The following MAP2 variants were observed in gnomAD, a reference collection of about 807,000 sequenced individuals.
MAP2 encodes the protein microtubule-associated protein 2.
In MAP2, 14 loss-of-function variants were observed where a neutral mutation model predicts 137.6. The ratio of observed to expected loss-of-function variants is 0.10; its 90% CI spans 0.07 to 0.16. The LOEUF (loss-of-function observed/expected upper bound fraction) is 0.16, where lower values mean the gene tolerates loss of function less well. Among genes scored for constraint, MAP2 ranks in the 10% least tolerant of loss-of-function variants. MAP2 has a pLI of 1.00. For synonymous variants in MAP2, 786 were observed against 782.3 expected, an observed-to-expected ratio of 1.00 and a Z score of -0.08; for missense variants, 2,088 against 2,191.5, an observed-to-expected ratio of 0.95 and a Z score of 0.94.
At chr2:209,648,579 T>C (rs1274825920) in intron 4 of MAP2, among the ~76,000 whole-genome samples, 1 of 106,026 alleles carries the variant, frequency 9.4e-6, no homozygotes, top group Non-Finnish European at 1.8e-5. Flanking sequence ...GGAAGAGAAA[T>C]AAGGCGGCCA....
intron 13 of MAP2, among the ~76,000 whole-genome samples, chr2:209,723,900 G>A (rs958341194): frequency 6.6e-5 from 10 of 152,296 alleles, no homozygotes; most frequent in Middle Eastern, 3.4e-3. Context: ...TTCCTGCTTT[G>A]ATTTGGGAAA....
At chr2:209,563,684 C>G (rs553944235) in intron 2 of MAP2, among the ~76,000 whole-genome samples, 12 of 152,322 alleles carry the variant, frequency 7.9e-5, no homozygotes, top group African/African-American at 2.2e-4. Flanking sequence ...ATTAACATAG[C>G]CCCTTGTGGG....
intron 2 of MAP2, among the ~76,000 whole-genome samples, chr2:209,538,510 G>A (rs950279936): frequency 6.7e-6 from 1 of 149,694 alleles, no homozygotes; most frequent in African/African-American, 2.5e-5. Flanking sequence ...AAATCAGCAG[G>A]TCAGAGCAAA....
intron 1 of MAP2, among the ~76,000 whole-genome samples, chr2:209,499,158 C>A (rs55665917): frequency 0.036 from 5,467 of 152,254 alleles, 146 homozygotes; most frequent in Non-Finnish European, 0.056. Context: ...GCCAGGCCTC[C>A]TCTTGAATGT....
chr2:209,435,968 T>A (rs1695933814), intron 1 of MAP2, among the ~76,000 whole-genome samples: 1 of 135,188 alleles, frequency 7.4e-6, no homozygotes, highest in Non-Finnish European at 1.6e-5. Flanking sequence ...GTATATATTA[T>A]ATATAATATA....
intron 2 of MAP2, among the ~76,000 whole-genome samples, chr2:209,537,227 G>A (rs1332615325): frequency 6.6e-6 from 1 of 151,792 alleles, no homozygotes; most frequent in Non-Finnish European, 1.5e-5. Context: ...ATTATTTTTT[G>A]TATCTGTTAT....
chr2:209,529,826 T>A (rs57383822), intron 2 of MAP2, among the ~76,000 whole-genome samples: 24,616 of 151,818 alleles, frequency 0.16, 2,807 homozygotes, highest in African/African-American at 0.32. Context: ...GACCAATTAC[T>A]CACGTCTTGA....
chr2:209,491,153 T>G (rs1185636706), intron 1 of MAP2, among the ~76,000 whole-genome samples: 1 of 152,066 alleles, frequency 6.6e-6, no homozygotes, highest in Non-Finnish European at 1.5e-5. Flanking sequence ...CACTCAAAAC[T>G]GCATAACTAC....
chr2:209,490,191 AAAG>A (rs916279667), intron 1 of MAP2, among the ~76,000 whole-genome samples: 24 of 152,334 alleles, frequency 1.6e-4, no homozygotes, highest in African/African-American at 5.5e-4. Context: ...CTTCATAAGC[AAAG>A]AAGAAATAAA....
At chr2:209,573,298 G>GGTTTTTTTTTTT (rs770132978) in intron 2 of MAP2, among the ~76,000 whole-genome samples, 2 of 120,066 alleles carry the variant, frequency 1.7e-5, no homozygotes, top group African/African-American at 6.6e-5. Flanking sequence ...TTCTTTTTCT[G>GGTTTTTTTTTTT]TTTTTTTTTT....
intron 3 of MAP2, among the ~76,000 whole-genome samples, chr2:209,616,603 G>T (rs1349006693): frequency 6.6e-6 from 1 of 151,984 alleles, no homozygotes; most frequent in Non-Finnish European, 1.5e-5. Flanking sequence ...TCCATTTTTT[G>T]CAATACGTCT....
At chr2:209,690,772 G>A in intron 7 of MAP2, 6 of 1,289,748 alleles carry the variant, frequency 4.7e-6, no homozygotes, top group Non-Finnish European at 6.1e-6. Context: ...CCCCAGCAGG[G>A]GCCCCACATG....
chr2:209,713,549 A>G (rs1034139992), intron 13 of MAP2, among the ~76,000 whole-genome samples: 1 of 152,160 alleles, frequency 6.6e-6, no homozygotes, highest in Admixed American at 6.5e-5. Flanking sequence ...AATTAGCTTG[A>G]TTGATTTAAC....
At chr2:209,428,263 A>G (rs1693117986) in intron 1 of MAP2, among the ~76,000 whole-genome samples, 2 of 152,204 alleles carry the variant, frequency 1.3e-5, no homozygotes, top group African/African-American at 4.8e-5. Context: ...GGAAAGTTAG[A>G]CAAAATAAAG....
At chr2:209,577,452 A>G (rs937978697) in intron 2 of MAP2, among the ~76,000 whole-genome samples, 20 of 152,206 alleles carry the variant, frequency 1.3e-4, no homozygotes, top group Admixed American at 1.2e-3. Flanking sequence ...TGAATCATAT[A>G]AACTGAATAT....
chr2:209,520,553 C>T (rs77097742), intron 2 of MAP2, among the ~76,000 whole-genome samples: 1,650 of 152,052 alleles, frequency 0.011, 32 homozygotes, highest in African/African-American at 0.038. Flanking sequence ...ATCTTTCCAG[C>T]AGAAATATTA....
intron 13 of MAP2, among the ~76,000 whole-genome samples, chr2:209,718,694 T>A (rs927691346): frequency 2.0e-5 from 3 of 152,212 alleles, no homozygotes; most frequent in African/African-American, 7.2e-5. Flanking sequence ...CTTTTAGAGT[T>A]TTGTGGAATT....
chr2:209,436,030 A>ATACAGTATATAT (rs1553537349), intron 1 of MAP2, among the ~76,000 whole-genome samples: 148 of 137,138 alleles, frequency 1.1e-3, no homozygotes, highest in East Asian at 3.7e-3. Flanking sequence ...TATAAAATAT[A>ATACAGTATATAT]TATATATGTA....
chr2:209,698,037 A>G (rs559654071), intron 10 of MAP2, among the ~76,000 whole-genome samples: 3 of 149,976 alleles, frequency 2.0e-5, no homozygotes, highest in Non-Finnish European at 4.4e-5. Context: ...TTTAGTAGAG[A>G]CGGGGTTTCA....
Sources: gnomAD v4.1 joint callset for allele counts (sites outside exome capture counted in the v4.1 genomes callset) on GRCh38, gnomAD v4.1.1 for gene constraint, MANE v1.5 for transcripts, NCBI Gene and HGNC (gene_info 2026-07-23, HGNC 2026-07-21) for gene names.